Variants in KCNMA1 observed in about 807,000 individuals in gnomAD.
KCNMA1 encodes potassium calcium-activated channel subfamily M alpha 1, also known as Calcium-activated potassium channel subunit alpha-1.
Under a neutral mutation model 140.0 loss-of-function variants are expected in KCNMA1, and 29 were observed. That is an observed-to-expected ratio of 0.21 (90% CI 0.15 to 0.28). The LOEUF (loss-of-function observed/expected upper bound fraction) is 0.28, where lower values mean the gene tolerates loss of function less well. Ranked by LOEUF, KCNMA1 falls within the 10% of genes least tolerant of loss-of-function variation. The pLI is 1.00. For synonymous variants in KCNMA1, 612 were observed against 611.9 expected (o/e 1.00, Z 0.00); for missense variants, 880 against 1,602.2 (o/e 0.55, Z 7.70).
intron 1 of KCNMA1, among the ~76,000 whole-genome samples, chr10:77,405,595 C>CATA (rs2096444885): frequency 2.7e-5 from 2 of 73,506 alleles, no homozygotes; most frequent in African/African-American, 1.2e-4. Context: ...ATACTAAAAC[C>CATA]TTATTATTTA....
chr10:77,268,508 C>T (rs944079760), intron 2 of KCNMA1, among the ~76,000 whole-genome samples: 15 of 152,092 alleles, frequency 9.9e-5, no homozygotes, highest in African/African-American at 3.1e-4. Context: ...GACTGCTCTA[C>T]TGTGATTGAG....
chr10:77,308,475 T>C (rs1601998092), intron 2 of KCNMA1, among the ~76,000 whole-genome samples: 2 of 152,206 alleles, frequency 1.3e-5, no homozygotes, highest in South Asian at 2.1e-4. Flanking sequence ...AAACATTAGA[T>C]GGGCTTACAG....
At chr10:76,962,616 C>T (rs2072086860) in intron 20 of KCNMA1, among the ~76,000 whole-genome samples, 1 of 152,184 alleles carries the variant, frequency 6.6e-6, no homozygotes, top group Non-Finnish European at 1.5e-5. Context: ...CCTGAACAGC[C>T]AGAGAGACTG....
At chr10:77,351,170 A>G (rs1160581689) in intron 2 of KCNMA1, among the ~76,000 whole-genome samples, 4 of 152,210 alleles carry the variant, frequency 2.6e-5, no homozygotes, top group Non-Finnish European at 5.9e-5. Flanking sequence ...TAAATTTTTT[A>G]AGAGCTTTGT....
chr10:77,073,127 G>A lies in KCNMA1; in HGVS notation c.1719C>T (p.Ala573=). 2 of 1,614,192 alleles carry A rather than the reference G, an allele frequency of 1.2e-6. No individual in the cohort carries two copies. The highest frequency in any genetic ancestry group is 1.7e-6 in the Non-Finnish European group (2 of 1,180,014). Residue 573 remains alanine (A), a synonymous_variant, in exon 14 of 28, where the codon GCC becomes GCT. Coordinates refer to ENST00000286628, the MANE Select transcript of KCNMA1 (RefSeq NM_001161352.2). ...CLAQGLSTML[A]NLFSMRSFIK... is the part of the protein sequence containing the mutation. Reference sequence around the variant, plus strand: ...TGAATGACCTCATGGAGAAGAGGTTGGCAAGCATGGTGGAGAGGCCTTGAG... The same window carrying A: ...TGAATGACCTCATGGAGAAGAGGTTAGCAAGCATGGTGGAGAGGCCTTGAG...
chr10:76,977,766 A>C, intron 19 of KCNMA1: 1 of 634,688 alleles, frequency 1.6e-6, no homozygotes, highest in Non-Finnish European at 2.8e-6. Flanking sequence ...ACCTGCTATT[A>C]GCCCTGCTGG....
At chr10:77,439,135 GAGAAGAGAAGAGAAA>G (rs1406053012) in intron 1 of KCNMA1, among the ~76,000 whole-genome samples, 112 of 143,982 alleles carry the variant, frequency 7.8e-4, no homozygotes, top group African/African-American at 2.7e-3. Flanking sequence ...GAGAAGAGAA[GAGAAGAGAAGAGAAA>G]AGAGAAGAGA....
At chr10:77,576,677 C>T (rs1050590941) in intron 1 of KCNMA1, among the ~76,000 whole-genome samples, 4 of 152,148 alleles carry the variant, frequency 2.6e-5, no homozygotes, top group East Asian at 3.9e-4. Context: ...AAAGGAGTGA[C>T]GCTAACAGCT....
At chr10:77,099,055 C>T (rs1285658104) in intron 9 of KCNMA1, among the ~76,000 whole-genome samples, 3 of 151,832 alleles carry the variant, frequency 2.0e-5, no homozygotes, top group Non-Finnish European at 4.4e-5. Context: ...CAGATTTGCC[C>T]GATTTCATTT....
chr10:77,584,718 A>G (rs971179197), intron 1 of KCNMA1, among the ~76,000 whole-genome samples: 1 of 152,212 alleles, frequency 6.6e-6, no homozygotes, highest in African/African-American at 2.4e-5. Context: ...TACGCCATTC[A>G]GTCTCTGACT....
rs1041534480 is a variant in KCNMA1 at position 76,928,286 on chromosome 10, C to T, written c.2903-13237G>A. Among the ~76,000 whole-genome samples the T allele has an allele frequency of 1.0e-4, 8 of 77,940 alleles. 1 individual carries two copies. In the South Asian group the frequency reaches 2.0e-3, roughly 20 times the overall value. The allele number at this position is 77,940 out of a possible 152,430, so 51.1% of individuals were successfully genotyped here. A position where few individuals can be genotyped will look rare whatever the true frequency, so the allele number is the denominator to read the frequency against. ...ACACACACACACACACGAACACGCG[C>T]GCGCACACACACACACACACACACG... On this transcript the variant is annotated intron_variant, in intron 23 of 27. Coordinates refer to ENST00000286628, the MANE Select transcript of KCNMA1 (RefSeq NM_001161352.2).
chr10:77,142,071 G>A (rs2098184853), intron 5 of KCNMA1, among the ~76,000 whole-genome samples: 1 of 152,146 alleles, frequency 6.6e-6, no homozygotes, highest in Admixed American at 6.5e-5. Context: ...GTGCTGTAAA[G>A]AAAAACCCTA....
intron 1 of KCNMA1, among the ~76,000 whole-genome samples, chr10:77,475,784 T>A (rs1320916489): frequency 2.6e-5 from 4 of 152,080 alleles, no homozygotes; most frequent in Admixed American, 1.3e-4. Flanking sequence ...ATTCAAATAA[T>A]CTCAGAACTG....
chr10:77,166,642 G>A (rs544147731), intron 5 of KCNMA1, among the ~76,000 whole-genome samples: 5 of 151,938 alleles, frequency 3.3e-5, no homozygotes, highest in Non-Finnish European at 7.4e-5. Context: ...GGGAGAGGGA[G>A]AGGAGAAGGA....
At chr10:77,436,557 T>C (rs2097266084) in intron 1 of KCNMA1, among the ~76,000 whole-genome samples, 1 of 152,214 alleles carries the variant, frequency 6.6e-6, no homozygotes, top group African/African-American at 2.4e-5. Context: ...CAGTATCTCA[T>C]TTAACTAATC....
chr10:76,898,189 A>T (rs2043445870), intron 25 of KCNMA1, among the ~76,000 whole-genome samples: 1 of 151,906 alleles, frequency 6.6e-6, no homozygotes, highest in Non-Finnish European at 1.5e-5. Flanking sequence ...TCAAACTCTG[A>T]TATCTTTAAA....
At chr10:77,357,063 C>G (rs1461090796) in intron 2 of KCNMA1, among the ~76,000 whole-genome samples, 2 of 152,176 alleles carry the variant, frequency 1.3e-5, no homozygotes, top group Admixed American at 6.6e-5. Flanking sequence ...AAAACCAACA[C>G]AGAAGAAAGC....
At chr10:77,423,077 C>T (rs1345086516) in intron 1 of KCNMA1, among the ~76,000 whole-genome samples, 1 of 152,224 alleles carries the variant, frequency 6.6e-6, no homozygotes, top group East Asian at 1.9e-4. Context: ...TGTCTGTTCC[C>T]TTTGTCATCA....
In KCNMA1 at chr10:77,108,407, C is replaced by CAA. The variant is rs35119991; in HGVS notation, c.1223+72_1223+73dup. 1.0e-4 allele frequency: 144 copies of CAA among 1,406,290 alleles called. 1 individual carries two copies. The African/African-American group carries it at 1.1e-3, about 10-fold the overall frequency. The allele number at this position is 1,406,290 out of a possible 1,614,324, so 87.1% of individuals were successfully genotyped here. A position where few individuals can be genotyped will look rare whatever the true frequency, so the allele number is the denominator to read the frequency against. Reference sequence around the variant, plus strand: ...ATGCATGAAACAAAGAAACAAGAGCCAAAAAAAAAAAAAAATGGCATGCAG... The same window carrying CAA: ...ATGCATGAAACAAAGAAACAAGAGCCAAAAAAAAAAAAAAAAATGGCATGCAG... On this transcript the variant is annotated intron_variant, in intron 9 of 27. Coordinates refer to ENST00000286628, the MANE Select transcript of KCNMA1 (RefSeq NM_001161352.2). The surrounding 1 kb of genome is among the most constrained non-coding windows in gnomAD (Gnocchi z 4.6).
Sources: allele counts gnomAD v4.1 joint callset (sites outside exome capture counted in the v4.1 genomes callset), GRCh38; gene constraint gnomAD v4.1.1; non-coding constraint Gnocchi (gnomAD v3.1); transcripts MANE v1.5; gene names NCBI Gene and HGNC (gene_info 2026-07-23, HGNC 2026-07-21).